The following PPFIBP1 variants were observed in gnomAD, a reference collection of about 807,000 sequenced individuals.
The protein encoded by PPFIBP1 is PPFIB scaffold protein 1, also known as liprin-beta-1.
A neutral mutation model predicts 137.8 loss-of-function variants in PPFIBP1; 112 were observed. The ratio of observed to expected loss-of-function variants is 0.81; its 90% CI spans 0.70 to 0.95. The LOEUF (loss-of-function observed/expected upper bound fraction) is 0.95. Ranked by LOEUF, PPFIBP1 falls within the 40% of genes least tolerant of loss-of-function variation. The probability of loss-of-function intolerance (pLI) is 0.00; values close to 1 mark genes in which losing one functional copy is unlikely to be tolerated. For missense variants in PPFIBP1, 1,083 were observed against 1,196.6 expected, an observed-to-expected ratio of 0.91 and a Z score of 1.40; for synonymous variants, 378 against 417.3, an observed-to-expected ratio of 0.91 and a Z score of 1.15.
At chr12:27,641,447 G>A (rs1279274301) in intron 4 of PPFIBP1, among the ~76,000 whole-genome samples, 2 of 152,144 alleles carry the variant, frequency 1.3e-5, no homozygotes, top group African/African-American at 2.4e-5. Context: ...AACAGTGGGT[G>A]AGACTCCTAC....
intron 2 of PPFIBP1, among the ~76,000 whole-genome samples, chr12:27,596,105 CACAT>C (rs1281599633): frequency 8.8e-5 from 13 of 147,590 alleles, no homozygotes; most frequent in East Asian, 5.9e-4. Context: ...CACACACACA[CACAT>C]ATGCTTACAA....
chr12:27,671,598 C>A, intron 14 of PPFIBP1, 52 bp downstream of exon 14: 2 of 1,186,900 alleles, frequency 1.7e-6, no homozygotes, highest in Non-Finnish European at 2.4e-6. Flanking sequence ...GTAGATCAGC[C>A]AAAGACAAGG....
chr12:27,608,240 C>G (rs1565863318), intron 2 of PPFIBP1, among the ~76,000 whole-genome samples: 4 of 152,130 alleles, frequency 2.6e-5, no homozygotes, highest in African/African-American at 9.7e-5. Context: ...ACAGGACTAC[C>G]ACAAACAAAG....
intron 4 of PPFIBP1, among the ~76,000 whole-genome samples, chr12:27,640,527 C>T (rs750350891): frequency 6.6e-6 from 1 of 152,180 alleles, no homozygotes; most frequent in Non-Finnish European, 1.5e-5. Context: ...TCCCCAAATT[C>T]AGGGGACTTA....
chr12:27,550,757 T>G (rs12370773), intron 1 of PPFIBP1, among the ~76,000 whole-genome samples: 15,314 of 152,184 alleles, frequency 0.1, 977 homozygotes, highest in South Asian at 0.28. Context: ...TACCCCATAC[T>G]TGGCTGATTT....
intron 26 of PPFIBP1, 46 bp from the exon 27 acceptor site, chr12:27,688,969 G>A (rs373121962): frequency 3.8e-6 from 6 of 1,560,698 alleles, no homozygotes; most frequent in Non-Finnish European, 4.3e-6. Context: ...AAACATGTAT[G>A]ATTTGTGGTG....
At chr12:27,660,046 T>C (rs1384669833) in intron 10 of PPFIBP1, among the ~76,000 whole-genome samples, 1 of 152,070 alleles carries the variant, frequency 6.6e-6, no homozygotes, top group Non-Finnish European at 1.5e-5. Flanking sequence ...GATTTCATTT[T>C]GGAGTGACTT....
At chr12:27,672,155 G>A (rs1261827564) in intron 14 of PPFIBP1, among the ~76,000 whole-genome samples, 1 of 152,144 alleles carries the variant, frequency 6.6e-6, no homozygotes. Flanking sequence ...AAACTAAATA[G>A]TCACAGTCAC....
chr12:27,664,841 G>T (rs934920515), intron 12 of PPFIBP1, among the ~76,000 whole-genome samples: 7 of 152,200 alleles, frequency 4.6e-5, no homozygotes, highest in African/African-American at 1.7e-4. Flanking sequence ...GGTAGCGCAA[G>T]GGGTGGAGTT....
At chr12:27,599,526 C>T (rs750678310) in intron 2 of PPFIBP1, 25 of 455,780 alleles carry the variant, frequency 5.5e-5, no homozygotes, top group Middle Eastern at 3.3e-4. Context: ...TCTCTCCTTC[C>T]CTCCTGCCTT....
At chr12:27,542,509 A>C (rs1310280567) in intron 1 of PPFIBP1, among the ~76,000 whole-genome samples, 1 of 152,240 alleles carries the variant, frequency 6.6e-6, no homozygotes, top group Non-Finnish European at 1.5e-5. Flanking sequence ...CAAGATGCCT[A>C]GTGCAGCACC....
intron 1 of PPFIBP1, among the ~76,000 whole-genome samples, chr12:27,536,747 G>A (rs56215075): frequency 0.17 from 25,233 of 151,992 alleles, 2,359 homozygotes; most frequent in Middle Eastern, 0.26. Context: ...CTTACAAAAC[G>A]CAAATTCAAA....
intron 1 of PPFIBP1, among the ~76,000 whole-genome samples, chr12:27,564,942 A>G (rs2136487117): frequency 6.6e-6 from 1 of 152,266 alleles, no homozygotes; most frequent in East Asian, 1.9e-4. Context: ...CGCTGCTTCC[A>G]GGCTGTAGGG....
chr12:27,570,696 G>A lies in PPFIBP1; in HGVS notation c.-123-7456G>A, dbSNP rs538983620. 2.9e-4 allele frequency among the ~76,000 whole-genome samples: 44 copies of A among 152,132 alleles called. No individual in the cohort carries two copies. In the South Asian group the frequency reaches 8.5e-3, roughly 29 times the overall value. On this transcript the variant is annotated intron_variant, in intron 1 of 29. Coordinates refer to ENST00000228425, the MANE Select transcript of PPFIBP1 (RefSeq NM_003622.4). Reference sequence around the variant, plus strand: ...AAGGCCAAGGTGGGCAGATCATGAGGTCCGGAGATCGAGACCATCCTGGCT... The same window carrying A: ...AAGGCCAAGGTGGGCAGATCATGAGATCCGGAGATCGAGACCATCCTGGCT...
At chr12:27,613,089 G>A (rs2055335113) in intron 2 of PPFIBP1, among the ~76,000 whole-genome samples, 1 of 152,178 alleles carries the variant, frequency 6.6e-6, no homozygotes, top group Admixed American at 6.5e-5. Flanking sequence ...TGGTTTGAGA[G>A]CATCTCTTAG....
At chr12:27,684,306 G>T (rs970027031) in intron 24 of PPFIBP1, among the ~76,000 whole-genome samples, 1 of 149,662 alleles carries the variant, frequency 6.7e-6, no homozygotes, top group South Asian at 2.1e-4. Flanking sequence ...ATGGAGTTTC[G>T]CCATGTTGGC....
chr12:27,549,643 G>A (rs931340139), intron 1 of PPFIBP1, among the ~76,000 whole-genome samples: 45 of 151,728 alleles, frequency 3.0e-4, no homozygotes, highest in Admixed American at 1.3e-4. Context: ...GTGTTGCCTG[G>A]AGATATGGGA....
chr12:27,527,507 T>A (rs1189945299), intron 1 of PPFIBP1, among the ~76,000 whole-genome samples: 1 of 152,148 alleles, frequency 6.6e-6, no homozygotes, highest in Non-Finnish European at 1.5e-5. Context: ...CCTCCCAAAG[T>A]GCTAGGATTA....
At chr12:27,545,717 A>G (rs1280760517) in intron 1 of PPFIBP1, among the ~76,000 whole-genome samples, 1 of 152,232 alleles carries the variant, frequency 6.6e-6, no homozygotes, top group Admixed American at 6.5e-5. Context: ...ACTTGGCAAG[A>G]GTAAAATCCT....
Sources: allele counts gnomAD v4.1 joint callset (sites outside exome capture counted in the v4.1 genomes callset), GRCh38; gene constraint gnomAD v4.1.1; transcripts MANE v1.5; gene names NCBI Gene and HGNC (gene_info 2026-07-23, HGNC 2026-07-21).